USP46: variants seen among roughly 807,000 people sequenced by gnomAD.
USP46 encodes the protein ubiquitin carboxyl-terminal hydrolase 46.
A neutral mutation model predicts 44.4 loss-of-function variants in USP46; 12 were observed. The observed-to-expected ratio is 0.27, with a 90% CI of 0.17 to 0.44. The LOEUF (loss-of-function observed/expected upper bound fraction) is 0.44, where lower values mean the gene tolerates loss of function less well. Among genes scored for constraint, USP46 ranks in the 20% least tolerant of loss-of-function variants. The pLI is 1.00. For missense variants in USP46, 248 were observed against 444.8 expected, an observed-to-expected ratio of 0.56 and a Z score of 3.98; for synonymous variants, 155 against 161.5, an observed-to-expected ratio of 0.96 and a Z score of 0.31.
At chr4:52,624,791 G>T (rs1435677003) in intron 4 of USP46, among the ~76,000 whole-genome samples, 1 of 152,144 alleles carries the variant, frequency 6.6e-6, no homozygotes, top group African/African-American at 2.4e-5. Context: ...CTTATAAAAG[G>T]AGACCCGAGA....
chr4:52,633,460 C>T (rs1002918186), intron 1 of USP46, among the ~76,000 whole-genome samples: 3 of 152,066 alleles, frequency 2.0e-5, no homozygotes, highest in African/African-American at 7.2e-5. Context: ...AATAACACAG[C>T]AAATTATGGT....
In USP46 at chr4:52,596,181, C is replaced by T. The variant is rs1247132300; in HGVS notation, c.*1459G>A. ...CCTCTTCATTGTTGCAAAATGGCCA[C>T]TAACATTTTCCATTTCAATTTTAGT... On this transcript the variant is annotated 3_prime_UTR_variant, in exon 9 of 9. Transcript: ENST00000441222. 6.6e-6 allele frequency: 1 copy of T among 152,636 alleles called. No homozygotes were observed. The highest frequency in any genetic ancestry group is 1.5e-5 in the Non-Finnish European group (1 of 68,032). 9.5% of individuals were successfully genotyped at this position (152,636 alleles called of 1,614,324 possible).
chr4:52,650,459 T>C (rs1266130317), intron 1 of USP46, among the ~76,000 whole-genome samples: 4 of 152,218 alleles, frequency 2.6e-5, no homozygotes, highest in Middle Eastern at 3.4e-3. Context: ...TTCAGGAAAA[T>C]GGTTTGCTCT....
chr4:52,626,382 G>T, intron 3 of USP46, 135 bp from the exon 4 acceptor site: 1 of 728,136 alleles, frequency 1.4e-6, no homozygotes, highest in Non-Finnish European at 2.2e-6. Context: ...GAGCGTAGTG[G>T]CATGATCTCA....
chr4:52,645,910 T>C (rs571964511), intron 1 of USP46, among the ~76,000 whole-genome samples: 1 of 152,230 alleles, frequency 6.6e-6, no homozygotes, highest in East Asian at 1.9e-4. Context: ...GCACTTTCCC[T>C]TTCTCTCTTG....
chr4:52,600,719 C>T (rs531228927), intron 7 of USP46, among the ~76,000 whole-genome samples: 40 of 152,154 alleles, frequency 2.6e-4, no homozygotes, highest in African/African-American at 8.7e-4. Context: ...AGCCACAATG[C>T]CCACCAGGTC....
intron 1 of USP46, among the ~76,000 whole-genome samples, chr4:52,632,893 AGGAAGGGAAAG>A: frequency 1.4e-5 from 2 of 141,512 alleles, no homozygotes; most frequent in Non-Finnish European, 3.0e-5. Context: ...GAAGGAAGGA[AGGAAGGGAAAG>A]AGAAAGAAAG....
At position 52,640,543 on chromosome 4, in the gene USP46, G is replaced by A. The variant is rs148471304; in HGVS notation, c.37-9399C>T. Among the ~76,000 whole-genome samples, 717 of 152,182 alleles carry A rather than the reference G, an allele frequency of 4.7e-3. 9 individuals carry two copies. Among genetic ancestry groups the A allele is most frequent in the African/African-American group, 0.016 (681 of 41,510 alleles). On this transcript the variant is annotated intron_variant, in intron 1 of 8. Coordinates refer to ENST00000441222, the MANE Select transcript of USP46 (RefSeq NM_022832.4). ...AAAATTTTAGGCCAGGCTTATGGCTGTAATCCTAGCAGTTTGGGAGGCCAA... is the reference window on the plus strand; with the variant it reads ...AAAATTTTAGGCCAGGCTTATGGCTATAATCCTAGCAGTTTGGGAGGCCAA...
At chr4:52,638,894 C>T (rs73815965) in intron 1 of USP46, among the ~76,000 whole-genome samples, 113 of 152,104 alleles carry the variant, frequency 7.4e-4, no homozygotes, top group African/African-American at 2.6e-3. Context: ...GAGGCATAAG[C>T]GGTACCCTTC....
chr4:52,636,705 C>CAAA lies in USP46; in HGVS notation c.37-5564_37-5562dup, dbSNP rs1182691689. ...TGGGTGACAGAGTAAGACTCTGTCT[C>CAAA]AAAAAAAAAAAAAAAAAAAAAAAAG... On this transcript the variant is annotated intron_variant, in intron 1 of 8. Coordinates refer to ENST00000441222, the MANE Select transcript of USP46 (RefSeq NM_022832.4). Among the ~76,000 whole-genome samples the CAAA allele has an allele frequency of 2.6e-3, 94 of 36,112 alleles. 2 individuals carry two copies. The highest frequency in any genetic ancestry group is 8.2e-3 in the African/African-American group (79 of 9,656). The allele number at this position is 36,112 out of a possible 152,430, so 23.7% of individuals were successfully genotyped here. A position where few individuals can be genotyped will look rare whatever the true frequency, so the allele number is the denominator to read the frequency against.
chr4:52,593,207 T>C lies in USP46; in HGVS notation c.*4433A>G, dbSNP rs1053083443. 5.9e-6 allele frequency: 2 copies of C among 336,294 alleles called. No individual in the cohort carries two copies. Among genetic ancestry groups the C allele is most frequent in the Non-Finnish European group, 1.1e-5 (2 of 187,886 alleles). The allele number at this position is 336,294 out of a possible 1,614,324, so 20.8% of individuals were successfully genotyped here. On this transcript the variant is annotated 3_prime_UTR_variant, in exon 9 of 9. Coordinates refer to ENST00000441222, the MANE Select transcript of USP46 (RefSeq NM_022832.4). ...AAGGAAATTTGAAGAAATGGGAAAA[T>C]ACATTCTCTAGAATTTGTGTCACCT...
In USP46 at chr4:52,596,294, T is replaced by C. The variant is rs1716236499; in HGVS notation, c.*1346A>G. 6.6e-6 allele frequency: 1 copy of C among 152,652 alleles called. No homozygotes were observed. Among genetic ancestry groups the C allele is most frequent in the African/African-American group, 2.4e-5 (1 of 41,448 alleles). 9.5% of individuals were successfully genotyped at this position (152,652 alleles called of 1,614,324 possible). A position where few individuals can be genotyped will look rare whatever the true frequency, so the allele number is the denominator to read the frequency against. ...ACAGTTTATTATAGTGTATGGAAGT[T>C]AAGTGGCTTCTAAAGGAAGCCAAGA... On this transcript the variant is annotated 3_prime_UTR_variant, in exon 9 of 9. Coordinates refer to ENST00000441222, the MANE Select transcript of USP46 (RefSeq NM_022832.4).
chr4:52,635,191 T>C (rs974922922), intron 1 of USP46, among the ~76,000 whole-genome samples: 2 of 151,916 alleles, frequency 1.3e-5, no homozygotes, highest in East Asian at 3.9e-4. Context: ...TCTAGTCCTC[T>C]ACTTTCTCAT....
Position 52,591,331 on chromosome 4 carries a change from G to A in USP46, c.*6309C>T, listed in dbSNP as rs1716003924. The stretch of plus-strand genomic sequence containing the variant: ...ATCAAGTTATTTTGCTTCTGGTCAA[G>A]TCGGATACAAGTCTGAGTTTTCTTT... On this transcript the variant is annotated 3_prime_UTR_variant, in exon 9 of 9. Coordinates refer to ENST00000441222, the MANE Select transcript of USP46 (RefSeq NM_022832.4). 1 of 152,200 alleles carries A rather than the reference G, an allele frequency of 6.6e-6. No homozygotes were observed. Among genetic ancestry groups the A allele is most frequent in the Non-Finnish European group, 1.5e-5 (1 of 68,026 alleles). The allele number at this position is 152,200 out of a possible 1,614,324, so 9.4% of individuals were successfully genotyped here. A position where few individuals can be genotyped will look rare whatever the true frequency, so the allele number is the denominator to read the frequency against.
At chr4:52,608,204 C>A (rs373969967) in intron 5 of USP46, among the ~76,000 whole-genome samples, 12 of 152,328 alleles carry the variant, frequency 7.9e-5, no homozygotes, top group East Asian at 7.7e-4. Context: ...TTAAAAAATG[C>A]AGAAAGACTG....
intron 5 of USP46, 47 bp downstream of exon 5, chr4:52,610,494 A>G (rs193176408): frequency 6.4e-5 from 97 of 1,520,088 alleles, no homozygotes; most frequent in South Asian, 1.8e-4. Context: ...TCTCCCACTT[A>G]GTTACAAGCC....
At position 52,594,510 on chromosome 4, in the gene USP46, G is replaced by A. The variant is rs558323532; in HGVS notation, c.*3130C>T. On this transcript the variant is annotated 3_prime_UTR_variant, in exon 9 of 9. Transcript: ENST00000441222. ...ACTTACATGAGTTCATTACAATAGT[G>A]CTGATAAATGCCTTGACCATATAAT... is the stretch of plus-strand genomic sequence containing the variant. The A allele has an allele frequency of 9.8e-5, 15 of 152,294 alleles. No individual in the cohort carries two copies. The highest frequency in any genetic ancestry group is 6.8e-3 in the Middle Eastern group (2 of 294). The allele number at this position is 152,294 out of a possible 1,614,324, so 9.4% of individuals were successfully genotyped here.
rs1382848114 is a variant in USP46 at position 52,653,283 on chromosome 4, A to T, written c.36+5832T>A. On this transcript the variant is annotated intron_variant, in intron 1 of 8. Transcript: ENST00000441222. ...CACTTTGAGAGGCTGAGGCGGGCGG[A>T]TCACCTGAGGTCAGGAGTTTGAGAC... is the stretch of plus-strand genomic sequence containing the variant. Among the ~76,000 whole-genome samples, 8 of 152,016 alleles carry T rather than the reference A, an allele frequency of 5.3e-5. No individual in the cohort carries two copies. In the East Asian group the frequency reaches 1.5e-3, roughly 29 times the overall value.
intron 1 of USP46, 131 bp downstream of exon 1, chr4:52,658,984 C>G: frequency 8.6e-7 from 1 of 1,162,890 alleles, no homozygotes; most frequent in Non-Finnish European, 1.1e-6. Flanking sequence ...AGCTCGGGGG[C>G]CGGGAACTTC....
Sources: allele counts gnomAD v4.1 joint callset (sites outside exome capture counted in the v4.1 genomes callset), GRCh38; gene constraint gnomAD v4.1.1; transcripts MANE v1.5; gene names NCBI Gene and HGNC (gene_info 2026-07-23, HGNC 2026-07-21).